Variants in NRXN1 observed in about 807,000 individuals in gnomAD.
NRXN1 encodes the protein neurexin 1.
Under a neutral mutation model 150.9 loss-of-function variants are expected in NRXN1, and 39 were observed. The ratio of observed to expected loss-of-function variants is 0.26; its 90% CI spans 0.20 to 0.34. NRXN1 has a LOEUF of 0.34. Ranked by LOEUF, NRXN1 falls within the 10% of genes least tolerant of loss-of-function variation. NRXN1 has a pLI of 1.00. For missense variants in NRXN1, 1,815 were observed against 1,949.9 expected (o/e 0.93, Z 1.30); for synonymous variants, 924 against 757.0 (o/e 1.22, Z -3.62).
intron 5 of NRXN1, among the ~76,000 whole-genome samples, chr2:50,763,035 T>C (rs1701986216): frequency 6.6e-6 from 1 of 151,940 alleles, no homozygotes; most frequent in African/African-American, 2.4e-5. Flanking sequence ...CCTCTTCACG[T>C]ATCACCTCCT....
chr2:50,460,200 T>C (rs2088026060), intron 17 of NRXN1, among the ~76,000 whole-genome samples: 1 of 152,056 alleles, frequency 6.6e-6, no homozygotes, highest in South Asian at 2.1e-4. Flanking sequence ...AGATCGATGA[T>C]GAAGAGTGCT....
intron 5 of NRXN1, among the ~76,000 whole-genome samples, chr2:50,910,773 C>T (rs1012998379): frequency 2.6e-5 from 4 of 151,866 alleles, no homozygotes; most frequent in African/African-American, 9.7e-5. Context: ...CCAGTGTGCG[C>T]AATGACTGAA....
chr2:50,833,479 G>A (rs1671688880), intron 5 of NRXN1, among the ~76,000 whole-genome samples: 1 of 152,192 alleles, frequency 6.6e-6, no homozygotes, highest in African/African-American at 2.4e-5. Flanking sequence ...ATAAAAAGGA[G>A]CAATCTATTT....
chr2:49,977,750 G>A (rs1489275036), intron 21 of NRXN1, among the ~76,000 whole-genome samples: 2 of 152,168 alleles, frequency 1.3e-5, no homozygotes, highest in Admixed American at 1.3e-4. Context: ...GCTGTGATAG[G>A]TCAAGTTATC....
chr2:50,950,703 G>A (rs777305188), intron 2 of NRXN1, among the ~76,000 whole-genome samples: 1 of 152,078 alleles, frequency 6.6e-6, no homozygotes, highest in Non-Finnish European at 1.5e-5. Flanking sequence ...ACATTATTTC[G>A]GTAACAACAT....
At chr2:50,499,601 A>G (rs2091835519) in intron 13 of NRXN1, among the ~76,000 whole-genome samples, 1 of 152,156 alleles carries the variant, frequency 6.6e-6, no homozygotes, top group Admixed American at 6.5e-5. Context: ...ATAAAGCTCT[A>G]AAGACACCAG....
At chr2:50,771,798 C>T (rs1703044760) in intron 5 of NRXN1, among the ~76,000 whole-genome samples, 1 of 152,026 alleles carries the variant, frequency 6.6e-6, no homozygotes, top group African/African-American at 2.4e-5. Flanking sequence ...CACACTGATT[C>T]ATTCATTTGG....
intron 21 of NRXN1, among the ~76,000 whole-genome samples, chr2:49,961,739 T>C (rs1558589206): frequency 6.6e-6 from 1 of 152,202 alleles, no homozygotes; most frequent in Non-Finnish European, 1.5e-5. Flanking sequence ...TCCAAATAAA[T>C]GCTCTTCTAC....
chr2:50,304,704 T>C (rs2074454993), intron 17 of NRXN1, among the ~76,000 whole-genome samples: 1 of 152,188 alleles, frequency 6.6e-6, no homozygotes, highest in Non-Finnish European at 1.5e-5. Flanking sequence ...GTGTGTTGTG[T>C]GCTAAGGAAT....
At chr2:50,261,996 T>A (rs1479182075) in intron 17 of NRXN1, among the ~76,000 whole-genome samples, 1 of 151,912 alleles carries the variant, frequency 6.6e-6, no homozygotes, top group Non-Finnish European at 1.5e-5. Context: ...AGCTCTATTC[T>A]GAGTTTAAAA....
intron 5 of NRXN1, among the ~76,000 whole-genome samples, chr2:50,876,983 T>C (rs925243431): frequency 4.4e-4 from 67 of 151,920 alleles, no homozygotes; most frequent in African/African-American, 1.6e-3. Context: ...CTTCTTATTT[T>C]CTTCCTCCAC....
chr2:50,484,984 C>A (rs1487869324), intron 15 of NRXN1, among the ~76,000 whole-genome samples: 2 of 152,116 alleles, frequency 1.3e-5, no homozygotes, highest in African/African-American at 2.4e-5. Flanking sequence ...TTGGCAAATA[C>A]AGATGGCAGT....
chr2:50,850,016 G>C (rs1397824050), intron 5 of NRXN1, among the ~76,000 whole-genome samples: 1 of 151,778 alleles, frequency 6.6e-6, no homozygotes, highest in African/African-American at 2.4e-5. Context: ...GACCAGCCTA[G>C]GCAACAAAGT....
At chr2:50,761,198 G>C (rs1308532273) in intron 5 of NRXN1, among the ~76,000 whole-genome samples, 1 of 151,846 alleles carries the variant, frequency 6.6e-6, no homozygotes, top group Admixed American at 6.6e-5. Context: ...TTTTTTTAGA[G>C]ACTGGGTCTT....
At chr2:50,096,686 CTT>C (rs1383975069) in intron 18 of NRXN1, among the ~76,000 whole-genome samples, 1 of 152,072 alleles carries the variant, frequency 6.6e-6, no homozygotes, top group Admixed American at 6.6e-5. Flanking sequence ...TTAATGAAGA[CTT>C]TCCATGGATT....
At chr2:50,173,374 C>A (rs2060146651) in intron 18 of NRXN1, among the ~76,000 whole-genome samples, 1 of 152,168 alleles carries the variant, frequency 6.6e-6, no homozygotes, top group South Asian at 2.1e-4. Context: ...CAATGCATAA[C>A]AGGAATGACT....
chr2:50,075,688 A>T (rs1276002488), intron 19 of NRXN1, among the ~76,000 whole-genome samples: 2 of 152,034 alleles, frequency 1.3e-5, no homozygotes, highest in African/African-American at 4.8e-5. Flanking sequence ...AATTTTTATG[A>T]TCTTCTAATT....
chr2:50,006,694 T>G (rs941700799), intron 21 of NRXN1, among the ~76,000 whole-genome samples: 4 of 152,168 alleles, frequency 2.6e-5, no homozygotes, highest in African/African-American at 9.7e-5. Context: ...GAATGTAATT[T>G]TAGATTTTTT....
At chr2:50,102,279 T>C (rs879343118) in intron 18 of NRXN1, among the ~76,000 whole-genome samples, 17 of 152,150 alleles carry the variant, frequency 1.1e-4, no homozygotes, top group Admixed American at 3.3e-4. Context: ...AAGTGCCTTT[T>C]AGCTGCAGTG....
Sources: gnomAD v4.1 joint callset for allele counts (sites outside exome capture counted in the v4.1 genomes callset) on GRCh38, gnomAD v4.1.1 for gene constraint, MANE v1.5 for transcripts, NCBI Gene and HGNC (gene_info 2026-07-23, HGNC 2026-07-21) for gene names.